Variants in PCDHA11 observed in about 807,000 individuals in gnomAD.
PCDHA11 encodes protocadherin alpha 11.
PCDHA11 carries 61 observed loss-of-function variants against 70.3 expected under a neutral mutation model. The ratio of observed to expected loss-of-function variants is 0.87; its 90% CI spans 0.71 to 1.07. PCDHA11 has a LOEUF of 1.07. PCDHA11 is among the 50% of genes least tolerant of loss of function. The pLI is 0.00. For synonymous variants in PCDHA11, 633 were observed against 555.1 expected (o/e 1.14, Z -1.97); for missense variants, 1,324 against 1,237.5 (o/e 1.07, Z -1.05).
chr5:140,915,008 T>C (rs1201776517), intron 1 of PCDHA11, among the ~76,000 whole-genome samples: 1 of 150,866 alleles, frequency 6.6e-6, no homozygotes, highest in Non-Finnish European at 1.5e-5. Context: ...TGCAGTGGCC[T>C]GATCTTGGCT....
intron 2 of PCDHA11, among the ~76,000 whole-genome samples, chr5:140,981,854 C>T (rs2096954295): frequency 6.6e-6 from 1 of 152,132 alleles, no homozygotes; most frequent in South Asian, 2.1e-4. Flanking sequence ...GTATCTCACT[C>T]CCAGCAATGT....
In PCDHA11 at chr5:141,000,416, TATATA is replaced by T. The variant is rs1214257718; in HGVS notation, c.2540-9210_2540-9206del. On this transcript the variant is annotated intron_variant, in intron 3 of 3. Coordinates refer to ENST00000398640, the MANE Select transcript of PCDHA11 (RefSeq NM_018902.5). ...CTCTCTATATATATATATATATATA[TATATA>T]TTTTTTTTTTTTTTTTTTTTTTTGA... 2.1e-3 allele frequency among the ~76,000 whole-genome samples: 195 copies of T among 93,382 alleles called. 1 individual carries two copies. Among genetic ancestry groups the T allele is most frequent in the African/African-American group, 4.2e-3 (94 of 22,362 alleles). 61.3% of individuals were successfully genotyped at this position (93,382 alleles called of 152,430 possible). A position where few individuals can be genotyped will look rare whatever the true frequency, so the allele number is the denominator to read the frequency against.
intron 1 of PCDHA11, chr5:140,876,072 GGA>G: frequency 1.2e-6 from 2 of 1,613,902 alleles, no homozygotes; most frequent in Non-Finnish European, 8.5e-7. Flanking sequence ...GGAAGTTATT[GGA>G]CAGAGAGCAA....
chr5:140,870,073 A>T lies in PCDHA11; in HGVS notation c.970A>T (p.Lys324Ter). 6.2e-7 allele frequency: 1 copy of T among 1,613,872 alleles called. No homozygotes were observed. Among genetic ancestry groups the T allele is most frequent in the Non-Finnish European group, 8.5e-7 (1 of 1,179,876 alleles). ...FYKIEVQATD[K>*]GTPPMAGHCT... Reference sequence around the variant, plus strand: ...TAAAATTGAAGTACAGGCTACAGATAAGGGGACTCCCCCAATGGCAGGTCA... The same window carrying T: ...TAAAATTGAAGTACAGGCTACAGATTAGGGGACTCCCCCAATGGCAGGTCA... The change falls in exon 1 of 4, where the codon AAG becomes TAG. Residue 324 changes from lysine (K) to a stop codon, truncating the protein, a stop_gained. Coordinates refer to ENST00000398640, the MANE Select transcript of PCDHA11 (RefSeq NM_018902.5). LOFTEE classifies it high-confidence loss of function.
Position 140,869,727 on chromosome 5 carries a change from T to G in PCDHA11, c.624T>G (p.Leu208=). 6.2e-7 allele frequency: 1 copy of G among 1,613,380 alleles called. No individual in the cohort carries two copies. Among genetic ancestry groups the G allele is most frequent in the Non-Finnish European group, 8.5e-7 (1 of 1,179,858 alleles). ...KSLDREKTPE[L]NLLLTATDGG... is the part of the protein sequence containing the mutation. ...TGGATAGAGAGAAAACTCCGGAACT[T>G]AATTTGCTGCTAACAGCTACAGACG... The change falls in exon 1 of 4, where the codon CTT becomes CTG. Residue 208 remains leucine (L), a synonymous_variant. Coordinates refer to ENST00000398640, the MANE Select transcript of PCDHA11 (RefSeq NM_018902.5).
intron 1 of PCDHA11, among the ~76,000 whole-genome samples, chr5:140,963,905 G>A (rs1326633249): frequency 6.6e-6 from 1 of 152,182 alleles, no homozygotes; most frequent in African/African-American, 2.4e-5. Flanking sequence ...TGAGTAAAGT[G>A]AAGCTTAGGC....
intron 1 of PCDHA11, chr5:140,966,584 G>C (rs1227691524): frequency 7.4e-6 from 4 of 541,586 alleles, no homozygotes; most frequent in African/African-American, 6.0e-5. Context: ...CAGCGAGGAC[G>C]GTGGGGCCAG....
intron 1 of PCDHA11, among the ~76,000 whole-genome samples, chr5:140,942,906 G>C (rs1454697434): frequency 6.6e-6 from 1 of 151,800 alleles, no homozygotes; most frequent in African/African-American, 2.4e-5. Context: ...CTAAGAATAA[G>C]CGTGAAGAAA....
chr5:140,905,750 C>T (rs1349523564), intron 1 of PCDHA11, among the ~76,000 whole-genome samples: 1 of 152,102 alleles, frequency 6.6e-6, no homozygotes, highest in Non-Finnish European at 1.5e-5. Flanking sequence ...GATCTTTCAC[C>T]TCCTTGGTTA....
chr5:141,008,147 G>A (rs782783615), intron 3 of PCDHA11, among the ~76,000 whole-genome samples: 9 of 152,114 alleles, frequency 5.9e-5, no homozygotes, highest in Non-Finnish European at 1.3e-4. Context: ...CTGCTGAGAG[G>A]TTTGATAAGA....
chr5:140,881,414 A>G, intron 1 of PCDHA11: 1 of 936,538 alleles, frequency 1.1e-6, no homozygotes, highest in African/African-American at 1.8e-5. Flanking sequence ...TCAATAGGAT[A>G]TTAGTTCCAG....
chr5:140,989,533 T>A (rs114286041), intron 3 of PCDHA11, among the ~76,000 whole-genome samples: 1 of 152,158 alleles, frequency 6.6e-6, no homozygotes, highest in Non-Finnish European at 1.5e-5. Context: ...AGGAGGAAGA[T>A]AGTTTGTAAT....
chr5:140,978,633 CA>C (rs2096813426), intron 1 of PCDHA11, among the ~76,000 whole-genome samples: 1 of 152,214 alleles, frequency 6.6e-6, no homozygotes, highest in South Asian at 2.1e-4. Context: ...TTTCCTTTCT[CA>C]AAGCAGACTG....
In PCDHA11 at chr5:140,871,292, CGT is replaced by C. The variant is rs781959716; in HGVS notation, c.2191_2192del (p.Cys731ArgfsTer29). The C allele has an allele frequency of 1.2e-6, 2 of 1,613,890 alleles. No individual in the cohort carries two copies. The highest frequency in any genetic ancestry group is 1.7e-6 in the Non-Finnish European group (2 of 1,179,924). ...TGGTCGGCAACGCCCACTGAGGGCGCGTGCGCGCCGGGGAAGCCCACGCTGGT... is the reference window on the plus strand; with the variant it reads ...TGGTCGGCAACGCCCACTGAGGGCGCGCGCGCCGGGGAAGCCCACGCTGGT... On this transcript the variant is annotated frameshift_variant, in exon 1 of 4. Transcript: ENST00000398640. LOFTEE classifies it high-confidence loss of function.
Position 140,870,220 on chromosome 5 carries a change from G to A in PCDHA11, c.1117G>A (p.Val373Met), listed in dbSNP as rs199741132. 3.2e-5 allele frequency: 52 copies of A among 1,614,042 alleles called. No individual in the cohort carries two copies. The highest frequency in any genetic ancestry group is 2.7e-5 in the Non-Finnish European group (32 of 1,180,040). ...QPSTVIALIS[V>M]SDRDSGVNGQ... ...CAGCACGGTCATTGCCCTGATCAGC[G>A]TGTCTGACCGTGACTCAGGTGTCAA... The change falls in exon 1 of 4, where the codon GTG becomes ATG. Residue 373 changes from valine to methionine, a missense_variant. Transcript: ENST00000398640.
chr5:140,898,843 C>G (rs1449030828), intron 1 of PCDHA11, among the ~76,000 whole-genome samples: 17 of 152,100 alleles, frequency 1.1e-4, no homozygotes, highest in Non-Finnish European at 1.3e-4. Context: ...TCTTCCATTT[C>G]TTTGTATCCT....
intron 1 of PCDHA11, among the ~76,000 whole-genome samples, chr5:140,885,076 A>G (rs1032982957): frequency 1.3e-5 from 2 of 152,226 alleles, no homozygotes; most frequent in African/African-American, 4.8e-5. Context: ...ATTATTTTAA[A>G]GAGCCCCATA....
chr5:140,917,329 G>T lies in PCDHA11; in HGVS notation c.2391+45835G>T, dbSNP rs543216216. Among the ~76,000 whole-genome samples the T allele has an allele frequency of 4.9e-5, 7 of 143,930 alleles. 1 individual carries two copies. The highest frequency in any genetic ancestry group is 1.6e-4 in the African/African-American group (6 of 37,952). The allele number at this position is 143,930 out of a possible 152,430, so 94.4% of individuals were successfully genotyped here. A position where few individuals can be genotyped will look rare whatever the true frequency, so the allele number is the denominator to read the frequency against. ...ACAATTTGGTGTTCATGTGGCGGGG[G>T]AGGGGGGGGATGGTGTAGGCTTCTG... On this transcript the variant is annotated intron_variant, in intron 1 of 3. Coordinates refer to ENST00000398640, the MANE Select transcript of PCDHA11 (RefSeq NM_018902.5).
At chr5:140,926,788 G>A in intron 1 of PCDHA11, 26 of 1,427,398 alleles carry the variant, frequency 1.8e-5, no homozygotes, top group Non-Finnish European at 2.4e-5. Flanking sequence ...ACGGCCGGCA[G>A]GAGCGTGCTC....
Sources: allele counts gnomAD v4.1 joint callset (sites outside exome capture counted in the v4.1 genomes callset), GRCh38; gene constraint gnomAD v4.1.1; transcripts MANE v1.5; gene names NCBI Gene and HGNC (gene_info 2026-07-23, HGNC 2026-07-21).